The following PDGFD variants were observed in gnomAD, a reference collection of about 807,000 sequenced individuals.
The protein encoded by PDGFD is platelet-derived growth factor D.
In PDGFD, 30 loss-of-function variants were observed where a neutral mutation model predicts 44.7. The observed-to-expected ratio is 0.67, with a 90% CI of 0.50 to 0.91. PDGFD has a LOEUF of 0.91. Ranked by LOEUF, PDGFD falls within the 40% of genes least tolerant of loss-of-function variation. The pLI is 0.00. For synonymous variants in PDGFD, 173 were observed against 168.4 expected (o/e 1.03, Z -0.21); for missense variants, 445 against 457.8 (o/e 0.97, Z 0.25).
intron 1 of PDGFD, among the ~76,000 whole-genome samples, chr11:104,003,376 G>C (rs1859649068): frequency 6.6e-6 from 1 of 152,226 alleles, no homozygotes; most frequent in Admixed American, 6.5e-5. Flanking sequence ...CCTGGTGTGG[G>C]TGAATAGTTT....
intron 3 of PDGFD, among the ~76,000 whole-genome samples, chr11:103,960,155 G>A (rs1454989252): frequency 2.6e-5 from 4 of 152,090 alleles, no homozygotes. Flanking sequence ...CAAATTTACT[G>A]CCATATTCAT....
chr11:104,113,973 T>C (rs1861597040), intron 1 of PDGFD, among the ~76,000 whole-genome samples: 1 of 152,058 alleles, frequency 6.6e-6, no homozygotes. Context: ...GTGTTAAGAG[T>C]TCTTTGCATA....
chr11:103,957,399 G>A (rs563828992), intron 3 of PDGFD, among the ~76,000 whole-genome samples: 129 of 152,140 alleles, frequency 8.5e-4, no homozygotes, highest in Admixed American at 3.1e-3. Flanking sequence ...AAAAGAGCCC[G>A]CATCGCCAAG....
chr11:104,150,551 T>C (rs1045811535), intron 1 of PDGFD, among the ~76,000 whole-genome samples: 4 of 152,198 alleles, frequency 2.6e-5, no homozygotes, highest in African/African-American at 7.2e-5. Context: ...CATTATTATC[T>C]TACAGTTCTG....
At chr11:104,032,530 T>C (rs1175782829) in intron 1 of PDGFD, among the ~76,000 whole-genome samples, 3 of 152,170 alleles carry the variant, frequency 2.0e-5, no homozygotes, top group Non-Finnish European at 4.4e-5. Context: ...TAGTGACATT[T>C]ATGTAGGTAT....
chr11:104,014,277 G>A (rs1034090409), intron 1 of PDGFD, among the ~76,000 whole-genome samples: 3 of 152,152 alleles, frequency 2.0e-5, no homozygotes, highest in African/African-American at 7.2e-5. Flanking sequence ...CAGGAGGATA[G>A]CTTAGGCTAG....
Position 103,915,612 on chromosome 11 carries a change from A to G in PDGFD, c.988-5793T>C, listed in dbSNP as rs191223313. On this transcript the variant is annotated intron_variant, in intron 6 of 6. Transcript: ENST00000393158. ...ACAACTTTAAATTTCATATGGAACC[A>G]AAAAAAGAGCCCACAGAGCCAAGAC... Among the ~76,000 whole-genome samples the G allele has an allele frequency of 1.1e-3, 168 of 152,218 alleles. 2 individuals are homozygous for G. Among genetic ancestry groups the G allele is most frequent in the African/African-American group, 4.0e-3 (165 of 41,556 alleles).
intron 1 of PDGFD, among the ~76,000 whole-genome samples, chr11:104,130,000 G>GT (rs1555056645): frequency 7.8e-6 from 1 of 128,586 alleles, no homozygotes; most frequent in Non-Finnish European, 1.6e-5. Context: ...CAAGACCTCT[G>GT]AAAAAAAAAA....
intron 3 of PDGFD, among the ~76,000 whole-genome samples, chr11:103,955,571 C>T (rs931662124): frequency 2.0e-5 from 3 of 152,196 alleles, no homozygotes; most frequent in Non-Finnish European, 4.4e-5. Flanking sequence ...CAAACTAGCT[C>T]TTCTACACAT....
intron 4 of PDGFD, among the ~76,000 whole-genome samples, chr11:103,944,613 GA>G (rs1486135619): frequency 6.6e-6 from 1 of 152,156 alleles, no homozygotes; most frequent in African/African-American, 2.4e-5. Flanking sequence ...AGGAATTAAT[GA>G]AAACTTGCTT....
intron 1 of PDGFD, among the ~76,000 whole-genome samples, chr11:104,111,770 T>C (rs1034271376): frequency 1.3e-5 from 2 of 152,158 alleles, no homozygotes; most frequent in African/African-American, 4.8e-5. Context: ...AGTAAATAAA[T>C]GACTTCTTGA....
chr11:103,996,874 T>C (rs555173835), intron 2 of PDGFD, among the ~76,000 whole-genome samples: 1 of 152,200 alleles, frequency 6.6e-6, no homozygotes, highest in African/African-American at 2.4e-5. Flanking sequence ...ATTGGAAAAA[T>C]CTGAGCTGGT....
At chr11:103,985,126 A>T (rs1308484736) in intron 3 of PDGFD, among the ~76,000 whole-genome samples, 4 of 137,396 alleles carry the variant, frequency 2.9e-5, no homozygotes, top group African/African-American at 1.1e-4. Context: ...ATAATATATT[A>T]ATTTATTTAA....
intron 1 of PDGFD, among the ~76,000 whole-genome samples, chr11:104,010,448 A>T (rs1403967525): frequency 6.6e-6 from 1 of 152,154 alleles, no homozygotes; most frequent in East Asian, 1.9e-4. Context: ...ATTCATAATT[A>T]TTATTCTTCA....
intron 1 of PDGFD, among the ~76,000 whole-genome samples, chr11:104,032,600 T>G (rs554631958): frequency 8.5e-5 from 13 of 152,118 alleles, no homozygotes; most frequent in African/African-American, 2.9e-4. Context: ...GATAGTAGTT[T>G]AAACATCAAC....
chr11:104,037,185 T>G (rs558127423), intron 1 of PDGFD: 115 of 1,613,674 alleles, frequency 7.1e-5, no homozygotes, highest in Middle Eastern at 1.6e-4. Flanking sequence ...GCACACCCGC[T>G]GCCCAGCGGT....
Position 104,046,523 on chromosome 11 carries a change from G to A in PDGFD, c.125-46268C>T, listed in dbSNP as rs1391366718. On this transcript the variant is annotated intron_variant, in intron 1 of 6. Transcript: ENST00000393158. ...AAAACAATTTCATTGATATTCCATA[G>A]CCATATGAGTTTATGTCTCCATATG... 1.4e-5 allele frequency among the ~76,000 whole-genome samples: 2 copies of A among 147,198 alleles called. 1 individual carries two copies. The highest frequency in any genetic ancestry group is 4.9e-5 in the African/African-American group (2 of 40,432).
intron 5 of PDGFD, among the ~76,000 whole-genome samples, chr11:103,936,830 GT>G (rs11335069): frequency 0.19 from 27,035 of 143,476 alleles, 6,049 homozygotes; most frequent in African/African-American, 0.54. Context: ...TTTGTTTTTT[GT>G]TTTTTTTTTT....
intron 1 of PDGFD, among the ~76,000 whole-genome samples, chr11:104,089,810 G>A (rs1861184872): frequency 1.3e-5 from 2 of 152,128 alleles, no homozygotes; most frequent in South Asian, 4.2e-4. Flanking sequence ...CAAGCTACAT[G>A]TCAAACATAA....
Sources: allele counts gnomAD v4.1 joint callset (sites outside exome capture counted in the v4.1 genomes callset), GRCh38; gene constraint gnomAD v4.1.1; transcripts MANE v1.5; gene names NCBI Gene and HGNC (gene_info 2026-07-23, HGNC 2026-07-21).